The following ESPN variants were observed in gnomAD, a reference collection of about 807,000 sequenced individuals.
The protein encoded by ESPN is espin.
A neutral mutation model predicts 77.7 loss-of-function variants in ESPN; 68 were observed. The ratio of observed to expected loss-of-function variants is 0.87; its 90% CI spans 0.72 to 1.07. The LOEUF (loss-of-function observed/expected upper bound fraction) is 1.07, where lower values mean the gene tolerates loss of function less well. Ranked by LOEUF, ESPN falls within the 50% of genes least tolerant of loss-of-function variation. The pLI, the probability that ESPN is intolerant of heterozygous loss-of-function variation, is 0.00. For missense variants in ESPN, 1,060 were observed against 1,239.0 expected (o/e 0.86, Z 2.17); for synonymous variants, 449 against 567.1 (o/e 0.79, Z 2.96).
At chr1:6,448,459 G>A in intron 7 of ESPN, 182 bp from the exon 8 acceptor site, 2 of 536,816 alleles carry the variant, frequency 3.7e-6, no homozygotes, top group Non-Finnish European at 6.4e-6. Context: ...CCCTTCCACC[G>A]AGGCCCCCAT....
At chr1:6,458,025 A>AG (rs931924010) in intron 12 of ESPN, among the ~76,000 whole-genome samples, 2 of 150,756 alleles carry the variant, frequency 1.3e-5, no homozygotes, top group Non-Finnish European at 2.9e-5. Flanking sequence ...AAAAAAAAAA[A>AG]AAAATTTTTT....
Position 6,445,878 on chromosome 1 carries a change from C to T in ESPN, c.1407C>T (p.Ile469=). The part of the protein sequence containing the change: ...KPPVGPQAAD[I]YMQTKNKLRH... ...CTGTAGGACCACAGGCAGCTGACAT[C>T]TACATGCAGACCAAGAACAAACTCC... The change falls in exon 7 of 13, where the codon ATC becomes ATT. Residue 469 remains isoleucine (I), a synonymous_variant. Transcript: ENST00000645284. 1 of 1,611,880 alleles carries T rather than the reference C, an allele frequency of 6.2e-7. No individual in the cohort carries two copies. The highest frequency in any genetic ancestry group is 8.5e-7 in the Non-Finnish European group (1 of 1,179,568).
chr1:6,460,821 G>A lies in ESPN; in HGVS notation c.*675G>A, dbSNP rs114274721. On this transcript the variant is annotated 3_prime_UTR_variant, in exon 13 of 13. Coordinates refer to ENST00000645284, the MANE Select transcript of ESPN (RefSeq NM_031475.3). ...CTGCCGGGACCCTTTCACTGCCCCG[G>A]TGGAGTGAATAGAGGATGAGGGGCC... 3.7e-3 allele frequency: 829 copies of A among 221,288 alleles called. 8 individuals carry two copies. Among genetic ancestry groups the A allele is most frequent in the African/African-American group, 0.017 (738 of 42,596 alleles). The allele number at this position is 221,288 out of a possible 1,614,324, so 13.7% of individuals were successfully genotyped here. A position where few individuals can be genotyped will look rare whatever the true frequency, so the allele number is the denominator to read the frequency against.
At position 6,451,801 on chromosome 1, in the gene ESPN, C is replaced by T. The variant is rs768397702; in HGVS notation, c.2062-32C>T. 15 of 1,609,982 alleles carry T rather than the reference C, an allele frequency of 9.3e-6. No homozygotes were observed. The Admixed American group carries it at 1.0e-4, about 11-fold the overall frequency. ...CCCGGCTTCCCTGGCCCTAGGCCACCGGGCGCTCAGCCCCACCGCTTCTCC... is the reference window on the plus strand; with the variant it reads ...CCCGGCTTCCCTGGCCCTAGGCCACTGGGCGCTCAGCCCCACCGCTTCTCC... On this transcript the variant is annotated intron_variant, in intron 9 of 12. Coordinates refer to ENST00000645284, the MANE Select transcript of ESPN (RefSeq NM_031475.3). The surrounding 1 kb of genome is among the most constrained non-coding windows in gnomAD (Gnocchi z 4.3).
At position 6,451,845 on chromosome 1, in the gene ESPN, C is replaced by G; in HGVS notation, c.2074C>G (p.Leu692Val). 6.2e-7 allele frequency: 1 copy of G among 1,611,652 alleles called. No individual in the cohort carries two copies. The highest frequency in any genetic ancestry group is 8.5e-7 in the Non-Finnish European group (1 of 1,179,380). ...GQPAFQPDSP[L>V]PSVSPALSPV... ...CTTCTCCCTGCAGCCCGATTCGCCG[C>G]TGCCTTCTGTGTCACCTGCACTGTC... Residue 692 changes from leucine (L) to valine (V), a missense_variant, in exon 10 of 13, where the codon CTG becomes GTG. Physicochemically the swap from Leu to Val is conservative, Grantham distance 32 (BLOSUM62 1). Transcript: ENST00000645284. The surrounding 1 kb of genome is among the most constrained non-coding windows in gnomAD (Gnocchi z 4.3).
At chr1:6,442,019 ACTAGGGTATATAAG>A (rs1265450974) in intron 5 of ESPN, among the ~76,000 whole-genome samples, 1 of 152,202 alleles carries the variant, frequency 6.6e-6, no homozygotes, top group African/African-American at 2.4e-5. Context: ...GCACTCTGTC[ACTAGGGTATATAAG>A]CTGGGATGGA....
intron 2 of ESPN, among the ~76,000 whole-genome samples, chr1:6,432,631 C>T (rs563923373): frequency 2.0e-5 from 3 of 152,332 alleles, no homozygotes; most frequent in Admixed American, 6.5e-5. Context: ...AAGCAGCACA[C>T]TGCTGGGGCA....
At position 6,428,323 on chromosome 1, in the gene ESPN, C is replaced by G. The variant is rs919425529; in HGVS notation, c.392C>G (p.Pro131Arg). 3 of 1,613,016 alleles carry G rather than the reference C, an allele frequency of 1.9e-6. No homozygotes were observed. Among genetic ancestry groups the G allele is most frequent in the Middle Eastern group, 1.7e-4 (1 of 6,050 alleles). ...CTCTTGCATCATGGCGGTGGGGACC[C>G]CACCGCGGCCACAGACATGGGCGCC... ...NWLLHHGGGD[P>R]TAATDMGALP... The change falls in exon 2 of 13, where the codon CCC becomes CGC. Residue 131 changes from proline to arginine, a missense_variant. Physicochemically the swap from Pro to Arg is moderately radical, Grantham distance 103 (BLOSUM62 -2). This residue lies in a region of ESPN where 556 missense variants were observed against 633.6 expected (regional missense o/e 0.88). Transcript: ENST00000645284. The surrounding 1 kb of genome is among the most constrained non-coding windows in gnomAD (Gnocchi z 5.4).
chr1:6,425,381 C>G (rs1023400862), intron 1 of ESPN, 132 bp downstream of exon 1: 4 of 1,183,266 alleles, frequency 3.4e-6, no homozygotes, highest in Non-Finnish European at 4.8e-6. Flanking sequence ...GCACGGAGCT[C>G]CTTCCAGAGG....
chr1:6,451,730 C>A lies in ESPN; in HGVS notation c.2043C>A (p.Ile681=). 1.2e-6 allele frequency: 2 copies of A among 1,612,588 alleles called. No homozygotes were observed. Among genetic ancestry groups the A allele is most frequent in the South Asian group, 1.1e-5 (1 of 90,970 alleles). The stretch of plus-strand genomic sequence containing the variant: ...GGCTGACCACAGTGTTCTCAGGCAT[C>A]GGGCAGCCGGCCTTCCAGGTAGGCG... ...SKGLTTVFSG[I]GQPAFQPDSP... Residue 681 remains isoleucine, a synonymous_variant, in exon 9 of 13, where the codon ATC becomes ATA. Coordinates refer to ENST00000645284, the MANE Select transcript of ESPN (RefSeq NM_031475.3). This position sits in a 1 kb window ranked among gnomAD's most constrained non-coding sequence, Gnocchi z 4.3.
At position 6,424,944 on chromosome 1, in the gene ESPN, G is replaced by T. The variant is rs1434201377; in HGVS notation, c.-12G>T. 1.4e-6 allele frequency: 2 copies of T among 1,437,312 alleles called. No homozygotes were observed. The highest frequency in any genetic ancestry group is 3.2e-5 in the East Asian group (1 of 31,640). 89.0% of individuals were successfully genotyped at this position (1,437,312 alleles called of 1,614,324 possible). ...GCGCTGAGTGCGGAGTCGCGGCGCC[G>T]CACGCGGCACCATGGCCCTGGAGCA... On this transcript the variant is annotated 5_prime_UTR_variant, in exon 1 of 13. Transcript: ENST00000645284.
At chr1:6,448,573 G>GGTGGGGAGGC (rs1643890758) in intron 7 of ESPN, 68 bp from the exon 8 acceptor site, 3 of 1,403,900 alleles carry the variant, frequency 2.1e-6, no homozygotes, top group Admixed American at 2.1e-5. Flanking sequence ...TGAAGAGCTG[G>GGTGGGGAGGC]GTGGGGAGGC....
At position 6,440,202 on chromosome 1, in the gene ESPN, C is replaced by T. The variant is rs1433814320; in HGVS notation, c.489-52C>T. ...ACGGGATGGGGGCGGGTAAGAAGGCCTCGGAGGGGGTGAGGCGCTGAAAGC... is the reference window on the plus strand; with the variant it reads ...ACGGGATGGGGGCGGGTAAGAAGGCTTCGGAGGGGGTGAGGCGCTGAAAGC... On this transcript the variant is annotated intron_variant, in intron 2 of 12. Transcript: ENST00000645284. 4.6e-6 allele frequency: 7 copies of T among 1,530,538 alleles called. 1 individual carries two copies. In the South Asian group the frequency reaches 7.2e-5, roughly 16 times the overall value. The allele number at this position is 1,530,538 out of a possible 1,614,324, so 94.8% of individuals were successfully genotyped here. A position where few individuals can be genotyped will look rare whatever the true frequency, so the allele number is the denominator to read the frequency against.
At chr1:6,455,918 G>C in intron 10 of ESPN, 1 of 398,938 alleles carries the variant, frequency 2.5e-6, no homozygotes, top group Non-Finnish European at 4.4e-6. Context: ...AAGAGGAGGG[G>C]AAAGAACAGG....
At chr1:6,444,445 A>G (rs779875511) in intron 5 of ESPN, 36 bp from the exon 6 acceptor site, 64 of 1,607,554 alleles carry the variant, frequency 4.0e-5, no homozygotes, top group Non-Finnish European at 5.1e-5. Context: ...ATCTTGGGGT[A>G]TGGTTGTCTT....
intron 2 of ESPN, among the ~76,000 whole-genome samples, chr1:6,432,287 G>T (rs966705848): frequency 1.3e-5 from 2 of 152,168 alleles, no homozygotes; most frequent in African/African-American, 4.8e-5. Context: ...TCCCCACTAA[G>T]CCCCTGATTC....
At chr1:6,456,281 A>G in intron 10 of ESPN, 1 of 389,608 alleles carries the variant, frequency 2.6e-6, no homozygotes, top group Non-Finnish European at 4.5e-6. Context: ...CAGAGGCTGG[A>G]AGCAGCAGGA....
At chr1:6,452,470 G>A (rs878873356) in intron 10 of ESPN, among the ~76,000 whole-genome samples, 1 of 152,156 alleles carries the variant, frequency 6.6e-6, no homozygotes, top group African/African-American at 2.4e-5. Flanking sequence ...TTTAGGGAAA[G>A]CAGGGTGGTA....
rs1643614813 is a variant in ESPN at position 6,440,945 on chromosome 1, C to T, written c.870C>T (p.Ile290=). 6.3e-7 allele frequency: 1 copy of T among 1,586,920 alleles called. No individual in the cohort carries two copies. Among genetic ancestry groups the T allele is most frequent in the African/African-American group, 1.3e-5 (1 of 74,466 alleles). Residue 290 remains isoleucine, a synonymous_variant, in exon 5 of 13, where the codon ATC becomes ATT. Coordinates refer to ENST00000645284, the MANE Select transcript of ESPN (RefSeq NM_031475.3). ...GCGTGCCCCCGCAGTGCTGCCAGAT[C>T]CTGGTAGTGAACGGCGCGGAGCTGG... The part of the protein sequence containing the change: ...AENGELECCQ[I]LVVNGAELDV...
Sources: allele counts gnomAD v4.1 joint callset (sites outside exome capture counted in the v4.1 genomes callset), GRCh38; gene constraint gnomAD v4.1.1; regional missense constraint gnomAD v4.1.1; non-coding constraint Gnocchi (gnomAD v3.1); transcripts MANE v1.5; gene names NCBI Gene and HGNC (gene_info 2026-07-23, HGNC 2026-07-21).